Variants in PDE3B observed in about 807,000 individuals in gnomAD.
PDE3B encodes phosphodiesterase 3B.
PDE3B carries 66 observed loss-of-function variants against 116.8 expected under a neutral mutation model. The observed-to-expected ratio is 0.56, with a 90% CI of 0.46 to 0.69. The LOEUF is 0.69. PDE3B is among the 30% of genes least tolerant of loss of function. The probability of loss-of-function intolerance (pLI) is 0.00; values close to 1 mark genes in which losing one functional copy is unlikely to be tolerated. For synonymous variants in PDE3B, 595 were observed against 533.6 expected (o/e 1.12, Z -1.59); for missense variants, 1,384 against 1,368.1 (o/e 1.01, Z -0.18).
At chr11:14,696,073 G>A (rs925086308) in intron 1 of PDE3B, among the ~76,000 whole-genome samples, 5 of 152,104 alleles carry the variant, frequency 3.3e-5, no homozygotes, top group African/African-American at 7.2e-5. Context: ...AAATCTTGGC[G>A]GAATTGCCAC....
intron 1 of PDE3B, among the ~76,000 whole-genome samples, chr11:14,664,736 A>G (rs1431146337): frequency 6.6e-6 from 1 of 152,230 alleles, no homozygotes; most frequent in African/African-American, 2.4e-5. Flanking sequence ...GACTCTCTGA[A>G]TAGACCAATA....
intron 1 of PDE3B, among the ~76,000 whole-genome samples, chr11:14,679,602 C>G (rs948298825): frequency 7.8e-4 from 118 of 152,030 alleles, no homozygotes; most frequent in African/African-American, 2.3e-3. Flanking sequence ...TGGGCAGCGC[C>G]TAAACACAGA....
At chr11:14,680,016 C>G (rs1306482508) in intron 1 of PDE3B, among the ~76,000 whole-genome samples, 2 of 152,086 alleles carry the variant, frequency 1.3e-5, no homozygotes, top group Non-Finnish European at 2.9e-5. Context: ...ACCTAGGAAC[C>G]AAAGGGAAGC....
At chr11:14,659,661 T>G (rs1016182542) in intron 1 of PDE3B, among the ~76,000 whole-genome samples, 5 of 152,146 alleles carry the variant, frequency 3.3e-5, no homozygotes, top group African/African-American at 1.2e-4. Flanking sequence ...CTCCTCCCAC[T>G]CCGGTAGGCC....
In PDE3B at chr11:14,673,167, T is replaced by TA. The variant is rs955553260; in HGVS notation, c.978+28125dup. ...GATGGGCTCTTTACTTTAAGCACCA[T>TA]AAAAAAAAAAAGCACAAATGGATGA... On this transcript the variant is annotated intron_variant, in intron 1 of 15. Transcript: ENST00000282096. Among the ~76,000 whole-genome samples the TA allele has an allele frequency of 2.1e-3, 290 of 139,832 alleles. 1 individual carries two copies. The highest frequency in any genetic ancestry group is 5.6e-3 in the African/African-American group (216 of 38,246). The allele number at this position is 139,832 out of a possible 152,430, so 91.7% of individuals were successfully genotyped here. A position where few individuals can be genotyped will look rare whatever the true frequency, so the allele number is the denominator to read the frequency against.
the PDE3B span, among the ~76,000 whole-genome samples, chr11:14,896,267 G>T: frequency 6.6e-6 from 1 of 152,300 alleles, no homozygotes; most frequent in East Asian, 1.9e-4. Flanking sequence ...GTCAGAGGAA[G>T]TTTAGTGTTC....
intron 9 of PDE3B, 98 bp downstream of exon 9, chr11:14,831,875 A>G: frequency 1.4e-6 from 1 of 717,524 alleles, no homozygotes; most frequent in Non-Finnish European, 2.3e-6. Flanking sequence ...GCACTAGTTC[A>G]ACAATGACAT....
chr11:14,674,761 C>G (rs182762243), intron 1 of PDE3B, among the ~76,000 whole-genome samples: 202 of 152,244 alleles, frequency 1.3e-3, no homozygotes, highest in African/African-American at 4.6e-3. Context: ...TAGGGAGAGA[C>G]ATCTTGATCC....
chr11:14,787,515 T>G (rs887370468), intron 3 of PDE3B, among the ~76,000 whole-genome samples: 5 of 151,982 alleles, frequency 3.3e-5, no homozygotes, highest in African/African-American at 4.8e-5. Context: ...TTTGTAGGGA[T>G]TTTGATCATC....
intron 1 of PDE3B, among the ~76,000 whole-genome samples, chr11:14,685,560 C>T (rs1854848878): frequency 6.9e-6 from 1 of 144,016 alleles, no homozygotes; most frequent in African/African-American, 2.5e-5. Flanking sequence ...GGTTCAAGTG[C>T]TTTTTCTCCC....
the PDE3B span, chr11:14,891,235 A>C: frequency 1.3e-5 from 13 of 985,124 alleles, no homozygotes; most frequent in Non-Finnish European, 1.6e-5. Context: ...AGGAGGAGCG[A>C]AGTACCGACC....
chr11:14,868,258 T>C (rs146876926), intron 15 of PDE3B, among the ~76,000 whole-genome samples: 49 of 152,336 alleles, frequency 3.2e-4, no homozygotes, highest in African/African-American at 1.1e-3. Context: ...GCATGCACGA[T>C]AGGGCCATCA....
intron 1 of PDE3B, among the ~76,000 whole-genome samples, chr11:14,688,438 C>G (rs573210047): frequency 2.6e-5 from 4 of 152,092 alleles, no homozygotes; most frequent in African/African-American, 9.6e-5. Context: ...ATCCTATTTG[C>G]TTGGGAACTC....
intron 1 of PDE3B, among the ~76,000 whole-genome samples, chr11:14,676,888 TAAG>T: frequency 6.6e-6 from 1 of 152,316 alleles, no homozygotes; most frequent in East Asian, 1.9e-4. Context: ...TTTTATACCT[TAAG>T]AAATTTTTGC....
chr11:14,683,547 A>C (rs551894588), intron 1 of PDE3B, among the ~76,000 whole-genome samples: 1 of 151,912 alleles, frequency 6.6e-6, no homozygotes, highest in South Asian at 2.1e-4. Context: ...TGTTATTGGT[A>C]ATTTATGTCT....
intron 1 of PDE3B, among the ~76,000 whole-genome samples, chr11:14,653,032 A>G (rs932393178): frequency 6.6e-6 from 1 of 152,156 alleles, no homozygotes; most frequent in African/African-American, 2.4e-5. Context: ...ATTCTTTTCA[A>G]TGCTGTTGCA....
intron 7 of PDE3B, among the ~76,000 whole-genome samples, chr11:14,829,842 A>T (rs912093405): frequency 6.6e-6 from 1 of 152,160 alleles, no homozygotes; most frequent in Non-Finnish European, 1.5e-5. Flanking sequence ...TGAACCTAAG[A>T]TAAAAGTTGT....
rs767804586 is a variant in PDE3B, at chr11:14,843,983, C to G, written c.2477C>G (p.Pro826Arg). 1 of 1,614,092 alleles carries G rather than the reference C, an allele frequency of 6.2e-7. No individual in the cohort carries two copies. Among genetic ancestry groups the G allele is most frequent in the Non-Finnish European group, 8.5e-7 (1 of 1,179,982 alleles). ...VAAAMHDYDH[P>R]GRTNAFLVAT... ...GCTGCCATGCATGATTATGATCACC[C>G]AGGGAGGACAAATGCATTTCTAGTG... Residue 826 changes from proline (P) to arginine (R), a missense_variant, in exon 12 of 16, where the codon CCA becomes CGA. Pro to Arg is a moderately radical substitution (Grantham distance 103, BLOSUM62 -2). This residue lies in a region of PDE3B where 428 missense variants were observed against 561.4 expected (regional missense o/e 0.76). Coordinates refer to ENST00000282096, the MANE Select transcript of PDE3B (RefSeq NM_000922.4).
Position 14,819,145 on chromosome 11 carries a change from T to C in PDE3B, c.1743T>C (p.His581=). The C allele has an allele frequency of 6.3e-7, 1 of 1,587,152 alleles. No individual in the cohort carries two copies. Among genetic ancestry groups the C allele is most frequent in the African/African-American group, 1.3e-5 (1 of 74,596 alleles). ...SDSNLCNSCG[H]QMLKYVSTSE... is the part of the protein sequence containing the mutation. ...TATTTTATTCTATAAGCTGTGGACA[T>C]CAAATGCTGAAATATGTTTCAACAT... The change falls in exon 7 of 16, where the codon CAT becomes CAC. Residue 581 remains histidine, a synonymous_variant. Coordinates refer to ENST00000282096, the MANE Select transcript of PDE3B (RefSeq NM_000922.4).
Sources: allele counts gnomAD v4.1 joint callset (sites outside exome capture counted in the v4.1 genomes callset), GRCh38; gene constraint gnomAD v4.1.1; regional missense constraint gnomAD v4.1.1; transcripts MANE v1.5; gene names NCBI Gene and HGNC (gene_info 2026-07-23, HGNC 2026-07-21).